The following PACS2 variants were observed in gnomAD, a reference collection of about 807,000 sequenced individuals.
The protein encoded by PACS2 is phosphofurin acidic cluster sorting protein 2.
Under a neutral mutation model 113.0 loss-of-function variants are expected in PACS2, and 36 were observed. That is an observed-to-expected ratio of 0.32 (90% CI 0.24 to 0.42). The LOEUF (loss-of-function observed/expected upper bound fraction) is 0.42, where lower values mean the gene tolerates loss of function less well. Among genes scored for constraint, PACS2 ranks in the 10% least tolerant of loss-of-function variants. PACS2 has a pLI of 1.00. For missense variants in PACS2, 1,015 were observed against 1,239.5 expected (o/e 0.82, Z 2.72); for synonymous variants, 589 against 536.1 (o/e 1.10, Z -1.36).
At chr14:105,352,573 C>G in intron 3 of PACS2, 106 bp downstream of exon 3, 1 of 632,026 alleles carries the variant, frequency 1.6e-6, no homozygotes, top group Non-Finnish European at 2.9e-6. Flanking sequence ...CATCACTGTC[C>G]CCTGGGGTGA....
At position 105,393,562 on chromosome 14, in the gene PACS2, G is replaced by GT. The variant is rs587650026; in HGVS notation, c.2596+230dup. ...TTTTGCTTTTTAAAAATAATGACTT[G>GT]TTTCGTTTTTCTTGTTTGTTTTTTG... On this transcript the variant is annotated intron_variant, in intron 24 of 24. Coordinates refer to ENST00000447393, the MANE Select transcript of PACS2 (RefSeq NM_001100913.3). The GT allele has an allele frequency of 2.7e-3, 1,187 of 439,886 alleles. 19 individuals are homozygous for GT. The highest frequency in any genetic ancestry group is 0.022 in the African/African-American group (1,066 of 48,022). The allele number at this position is 439,886 out of a possible 1,614,324, so 27.2% of individuals were successfully genotyped here. A position where few individuals can be genotyped will look rare whatever the true frequency, so the allele number is the denominator to read the frequency against.
In PACS2 at chr14:105,358,699, G is replaced by A. The variant is rs889357776; in HGVS notation, c.423+3522G>A. Among the ~76,000 whole-genome samples, 6 of 152,188 alleles carry A rather than the reference G, an allele frequency of 3.9e-5. No homozygotes were observed. Among genetic ancestry groups the A allele is most frequent in the Non-Finnish European group, 7.3e-5 (5 of 68,028 alleles). ...AGCAGCCATGCTTCTTTGCACAGCCGGACTCCTCTTGTGGCCTCGCCACAA... is the reference window on the plus strand; with the variant it reads ...AGCAGCCATGCTTCTTTGCACAGCCAGACTCCTCTTGTGGCCTCGCCACAA... On this transcript the variant is annotated intron_variant, in intron 4 of 24. Transcript: ENST00000447393. The surrounding 1 kb of genome is among the most constrained non-coding windows in gnomAD (Gnocchi z 4.9).
At chr14:105,331,423 A>G (rs2059298680) in intron 1 of PACS2, among the ~76,000 whole-genome samples, 2 of 151,890 alleles carry the variant, frequency 1.3e-5, no homozygotes, top group Non-Finnish European at 2.9e-5. Context: ...GATTGAATTT[A>G]TTTGTATTTT....
At chr14:105,339,133 G>A (rs976972739) in intron 1 of PACS2, among the ~76,000 whole-genome samples, 4 of 152,186 alleles carry the variant, frequency 2.6e-5, no homozygotes, top group East Asian at 1.9e-4. Flanking sequence ...GGTGGTTCCC[G>A]TAGCTAAGTG....
chr14:105,376,867 A>T lies in PACS2; in HGVS notation c.901A>T (p.Ser301Cys). 6.2e-7 allele frequency: 1 copy of T among 1,613,090 alleles called. No homozygotes were observed. The highest frequency in any genetic ancestry group is 8.5e-7 in the Non-Finnish European group (1 of 1,179,826). Residue 301 changes from serine to cysteine, a missense_variant, in exon 9 of 25, where the codon AGC (serine) becomes TGC (cysteine). Around this residue, in one of 3 missense-constraint regions of PACS2, gnomAD observed 859 missense variants for 1,056.8 expected, o/e 0.81. Coordinates refer to ENST00000447393, the MANE Select transcript of PACS2 (RefSeq NM_001100913.3). This position sits in a 1 kb window ranked among gnomAD's most constrained non-coding sequence, Gnocchi z 4.7. ...CCTGGACATGGAGCACCCCAGCGAC[A>T]GCGGCCCCGACATGGAGGATGACGA... ...DTLDMEHPSD[S>C]GPDMEDDDSV...
chr14:105,380,077 C>T lies in PACS2; in HGVS notation c.1051-3C>T, dbSNP rs996509991. 7.3e-5 allele frequency: 113 copies of T among 1,552,032 alleles called. No homozygotes were observed. Among genetic ancestry groups the T allele is most frequent in the Non-Finnish European group, 9.7e-5 (111 of 1,147,444 alleles). The stretch of plus-strand genomic sequence containing the variant: ...AAGCTGATTCCCATCTCCTCCCCCA[C>T]AGGCTGACGTGCCCGAGAAGACGCG... On this transcript the variant is annotated splice_polypyrimidine_tract_variant and splice_region_variant and intron_variant, in intron 10 of 24. Coordinates refer to ENST00000447393, the MANE Select transcript of PACS2 (RefSeq NM_001100913.3).
chr14:105,321,601 A>G (rs2058888446), intron 1 of PACS2, among the ~76,000 whole-genome samples: 1 of 152,108 alleles, frequency 6.6e-6, no homozygotes, highest in Non-Finnish European at 1.5e-5. Flanking sequence ...GGGCTCAAGC[A>G]GTCTACCTGC....
intron 1 of PACS2, among the ~76,000 whole-genome samples, chr14:105,318,066 A>G (rs936997322): frequency 2.6e-5 from 4 of 152,150 alleles, no homozygotes; most frequent in Non-Finnish European, 5.9e-5. Flanking sequence ...CTCTTCAGCA[A>G]GGGCTGGGCT....
At chr14:105,349,700 G>A (rs1040296717) in intron 2 of PACS2, among the ~76,000 whole-genome samples, 6 of 152,378 alleles carry the variant, frequency 3.9e-5, no homozygotes, top group East Asian at 1.9e-4. Flanking sequence ...CCTTTTCCTC[G>A]CTGAACATGC....
upstream of PACS2, chr14:105,314,724 C>CGGGCGGGGCGCCGGGCG (rs1555395406): frequency 7.1e-6 from 1 of 141,680 alleles, no homozygotes. Flanking sequence ...GGCGGGGCGC[C>CGGGCGGGGCGCCGGGCG]GGGCGGGGCG....
intron 1 of PACS2, among the ~76,000 whole-genome samples, chr14:105,304,134 G>A (rs1245713477): frequency 6.6e-6 from 1 of 152,226 alleles, no homozygotes; most frequent in Non-Finnish European, 1.5e-5. Context: ...GGCTGTACAG[G>A]ACAGGATTGG....
chr14:105,308,507 G>A (rs1206481734), intron 1 of PACS2, among the ~76,000 whole-genome samples: 2 of 147,124 alleles, frequency 1.4e-5, no homozygotes, highest in East Asian at 4.0e-4. Context: ...TTTTGAGATG[G>A]AGTCTTGCTC....
chr14:105,320,745 C>G (rs947802513), intron 1 of PACS2, among the ~76,000 whole-genome samples: 4 of 152,324 alleles, frequency 2.6e-5, no homozygotes, highest in African/African-American at 9.6e-5. Context: ...GATTTTGGCG[C>G]TAAGATTTCC....
intron 20 of PACS2, 64 bp from the exon 21 acceptor site, chr14:105,391,143 C>G: frequency 7.4e-7 from 1 of 1,347,152 alleles, no homozygotes; most frequent in Non-Finnish European, 1.1e-6. Flanking sequence ...GGGAGCCCCA[C>G]TGGGAGGGCG....
chr14:105,311,479 T>C (rs1483353509), upstream of PACS2, among the ~76,000 whole-genome samples: 1 of 152,288 alleles, frequency 6.6e-6, no homozygotes, highest in East Asian at 1.9e-4. Flanking sequence ...GGTCTTGAAC[T>C]CCTGAGGTCA....
chr14:105,361,274 ATT>A (rs2060667245), intron 4 of PACS2, among the ~76,000 whole-genome samples: 3 of 152,206 alleles, frequency 2.0e-5, no homozygotes. Context: ...TGGGCGGATC[ATT>A]TGAGGTCAGG....
At position 105,376,357 on chromosome 14, in the gene PACS2, G is replaced by A. The variant is rs1053628535; in HGVS notation, c.802-411G>A. ...AATGTACAGGAACAGAGTGAGATTCGCAGGGCCTGGGGCTGAGGGAGGGGA... is the reference window on the plus strand; with the variant it reads ...AATGTACAGGAACAGAGTGAGATTCACAGGGCCTGGGGCTGAGGGAGGGGA... On this transcript the variant is annotated intron_variant, in intron 8 of 24. Transcript: ENST00000447393. This position sits in a 1 kb window ranked among gnomAD's most constrained non-coding sequence, Gnocchi z 4.7. 2.6e-5 allele frequency among the ~76,000 whole-genome samples: 4 copies of A among 152,060 alleles called. No individual in the cohort carries two copies. The highest frequency in any genetic ancestry group is 1.9e-4 in the East Asian group (1 of 5,176).
intron 4 of PACS2, among the ~76,000 whole-genome samples, chr14:105,362,544 A>T (rs2060765947): frequency 1.3e-5 from 2 of 151,728 alleles, no homozygotes; most frequent in South Asian, 2.1e-4. Context: ...AATGAAATAC[A>T]TTTTTTTTAA....
chr14:105,304,355 G>T (rs2058118390), intron 1 of PACS2, among the ~76,000 whole-genome samples: 1 of 152,174 alleles, frequency 6.6e-6, no homozygotes, highest in African/African-American at 2.4e-5. Context: ...AGGTGTGATG[G>T]TGGGCGCCTG....
Sources: gnomAD v4.1 joint callset for allele counts (sites outside exome capture counted in the v4.1 genomes callset) on GRCh38, gnomAD v4.1.1 for gene constraint, gnomAD v4.1.1 regional missense constraint, Gnocchi (gnomAD v3.1) non-coding constraint, MANE v1.5 for transcripts, NCBI Gene and HGNC (gene_info 2026-07-23, HGNC 2026-07-21) for gene names.